The following OGT variants were observed in gnomAD, a reference collection of about 807,000 sequenced individuals.
The protein encoded by OGT is O-linked N-acetylglucosamine (GlcNAc) transferase, also known as UDP-N-acetylglucosamine--peptide N-acetylglucosaminyltransferase 110 kDa subunit.
In OGT, 3 loss-of-function variants were observed where a neutral mutation model predicts 75.8. That is an observed-to-expected ratio of 0.04 (90% CI 0.02 to 0.10). The LOEUF is 0.10. OGT is among the 10% of genes least tolerant of loss of function. OGT has a pLI of 1.00. For synonymous variants in OGT, 257 were observed against 289.7 expected, an observed-to-expected ratio of 0.89 and a Z score of 1.15; for missense variants, 260 against 824.4, an observed-to-expected ratio of 0.32 and a Z score of 8.38.
At chrX:71,554,122 A>G (rs1485590692) in intron 5 of OGT, among the ~76,000 whole-genome samples, 2 of 111,986 alleles carry the variant, frequency 1.8e-5, no homozygotes, top group Non-Finnish European at 3.8e-5. Context: ...TGTAGTTTGT[A>G]TGCATACAAC....
chrX:71,570,971 T>A (rs756276121), intron 21 of OGT, among the ~76,000 whole-genome samples: 48 of 107,406 alleles, frequency 4.5e-4, no homozygotes, highest in Non-Finnish European at 7.1e-4. Context: ...TTTTTTTTTT[T>A]AATTTAATAT....
At chrX:71,534,542 A>G (rs955716888) in intron 1 of OGT, among the ~76,000 whole-genome samples, 2 of 110,701 alleles carry the variant, frequency 1.8e-5, no homozygotes, top group South Asian at 7.7e-4. Context: ...GGTTTTAGCT[A>G]CTGTTCCTGG....
Position 71,559,682 on chromosome X carries a change from A to G in OGT, c.1851+5A>G. ...CATTTCATTGATCTTTCTCAGGTAG[A>G]TGAAACTCTCATACTTTAACTTTTT... On this transcript the variant is annotated splice_donor_5th_base_variant and intron_variant, in intron 14 of 21. Transcript: ENST00000373719. 2 of 1,177,392 alleles carry G rather than the reference A, an allele frequency of 1.7e-6. No homozygotes were observed. The highest frequency in any genetic ancestry group is 2.3e-4 in the Middle Eastern group (1 of 4,260).
At chrX:71,556,530 G>C (rs1223514305) in intron 8 of OGT, 150 bp from the exon 9 acceptor site, 1 of 395,383 alleles carries the variant, frequency 2.5e-6, no homozygotes, top group African/African-American at 2.5e-5. Flanking sequence ...TAGAGGAAGA[G>C]GTAGAATTTG....
intron 12 of OGT, among the ~76,000 whole-genome samples, chrX:71,558,765 CTTTTTTTT>C (rs397895020): frequency 1.1e-4 from 7 of 61,497 alleles, no homozygotes; most frequent in South Asian, 9.7e-4. Context: ...TTTGCTCGTA[CTTTTTTTT>C]TTTTTTTTTT....
intron 19 of OGT, among the ~76,000 whole-genome samples, chrX:71,566,935 T>C (rs746549572): frequency 8.9e-6 from 1 of 112,755 alleles, no homozygotes; most frequent in Non-Finnish European, 1.9e-5. Flanking sequence ...GTTGGCAAAC[T>C]ATGACCTGTG....
chrX:71,549,641 C>T (rs975654923), intron 5 of OGT, among the ~76,000 whole-genome samples: 1 of 110,822 alleles, frequency 9.0e-6, no homozygotes, highest in African/African-American at 3.3e-5. Flanking sequence ...CAAAAAGTAG[C>T]TATGCGTGGT....
At position 71,544,762 on chromosome X, in the gene OGT, A is replaced by G. The variant is rs2040247900; in HGVS notation, c.531+127A>G. 1.1e-5 allele frequency: 6 copies of G among 548,800 alleles called. No individual in the cohort carries two copies. The South Asian group carries it at 1.6e-4, about 14-fold the overall frequency. The allele number at this position is 548,800 out of a possible 1,213,427, so 45.2% of individuals were successfully genotyped here. A position where few individuals can be genotyped will look rare whatever the true frequency, so the allele number is the denominator to read the frequency against. On this transcript the variant is annotated intron_variant, in intron 4 of 21. Transcript: ENST00000373719. ...TTTGAAACTGAGGAAAACTGACGGC[A>G]CGAATCGCCTCAGAATAGAGCAGGG...
chrX:71,542,356 G>A (rs780170278), intron 3 of OGT, among the ~76,000 whole-genome samples: 12 of 111,728 alleles, frequency 1.1e-4, no homozygotes, highest in African/African-American at 2.9e-4. Context: ...CAGGAGAATT[G>A]GATTTCACCG....
At chrX:71,564,865 A>ATT in intron 19 of OGT, 112 bp downstream of exon 19, 1 of 634,872 alleles carries the variant, frequency 1.6e-6, no homozygotes, top group Non-Finnish European at 2.3e-6. Context: ...TCTTTTTAAA[A>ATT]TTTTTTTTTG....
chrX:71,545,983 GT>G (rs1035339813), intron 4 of OGT: 5 of 176,610 alleles, frequency 2.8e-5, no homozygotes, highest in Non-Finnish European at 4.4e-5. Flanking sequence ...ATGTTATTCT[GT>G]TTTTTTGTGA....
At chrX:71,537,461 G>T (rs2040187097) in intron 2 of OGT, among the ~76,000 whole-genome samples, 1 of 110,606 alleles carries the variant, frequency 9.0e-6, no homozygotes, top group Non-Finnish European at 1.9e-5. Flanking sequence ...GCCATCATGC[G>T]TGGCTAAATT....
At chrX:71,537,127 C>G (rs1201509725) in intron 2 of OGT, 1 of 139,732 alleles carries the variant, frequency 7.2e-6, no homozygotes, top group Non-Finnish European at 1.4e-5. Context: ...GCCACCACGC[C>G]CAGCTAATTT....
At position 71,564,543 on chromosome X, in the gene OGT, T is replaced by A. The variant is rs189860468; in HGVS notation, c.2437-58T>A. The A allele has an allele frequency of 2.2e-3, 2,083 of 931,637 alleles. 5 individuals are homozygous for A. The highest frequency in any genetic ancestry group is 3.6e-3 in the Admixed American group (130 of 36,361). 76.8% of individuals were successfully genotyped at this position (931,637 alleles called of 1,213,427 possible). ...GTTATACCATTTTGGATCTTATGGATTGAAATATTGGACTCCTTTTGCCTT... is the reference window on the plus strand; with the variant it reads ...GTTATACCATTTTGGATCTTATGGAATGAAATATTGGACTCCTTTTGCCTT... On this transcript the variant is annotated intron_variant, in intron 18 of 21. Coordinates refer to ENST00000373719, the MANE Select transcript of OGT (RefSeq NM_181672.3).
At chrX:71,552,255 G>A (rs936766381) in intron 5 of OGT, among the ~76,000 whole-genome samples, 5 of 110,315 alleles carry the variant, frequency 4.5e-5, no homozygotes, top group Non-Finnish European at 9.5e-5. Flanking sequence ...GTGACACTCC[G>A]TCTCCAAAAA....
chrX:71,546,959 A>G (rs1173104767), intron 4 of OGT: 1 of 754,711 alleles, frequency 1.3e-6, no homozygotes, highest in Non-Finnish European at 1.6e-6. Flanking sequence ...TCATTAAACA[A>G]ATATTCTCCA....
At chrX:71,552,323 G>GC (rs1309957231) in intron 5 of OGT, among the ~76,000 whole-genome samples, 1 of 110,516 alleles carries the variant, frequency 9.0e-6, no homozygotes, top group African/African-American at 3.3e-5. Context: ...GAGGCACATT[G>GC]ACAAATTATA....
At chrX:71,554,047 T>C (rs970904022) in intron 5 of OGT, among the ~76,000 whole-genome samples, 2 of 112,075 alleles carry the variant, frequency 1.8e-5, no homozygotes, top group African/African-American at 3.2e-5. Context: ...AGTATTTCCT[T>C]GAAGTATTGT....
Position 71,567,598 on chromosome X carries a change from C to T in OGT, c.2688C>T (p.Pro896=), listed in dbSNP as rs1266263943. 1.5e-5 allele frequency: 18 copies of T among 1,210,486 alleles called. No individual in the cohort carries two copies. Among genetic ancestry groups the T allele is most frequent in the Non-Finnish European group, 1.9e-5 (17 of 894,588 alleles). ...AGTATGCACAAAACATGGGCCTGCC[C>T]CAGAACCGTATCATTTTTTCACCTG... is the stretch of plus-strand genomic sequence containing the variant. The part of the protein sequence containing the change: ...IQQYAQNMGL[P]QNRIIFSPVA... The change falls in exon 20 of 22, where the codon CCC becomes CCT. Residue 896 remains proline (P), a synonymous_variant. Transcript: ENST00000373719.
Sources: gnomAD v4.1 joint callset for allele counts (sites outside exome capture counted in the v4.1 genomes callset) on GRCh38, gnomAD v4.1.1 for gene constraint, MANE v1.5 for transcripts, NCBI Gene and HGNC (gene_info 2026-07-23, HGNC 2026-07-21) for gene names.